The following SKAP1 variants were observed in gnomAD, a reference collection of about 807,000 sequenced individuals.
The protein encoded by SKAP1 is src kinase-associated phosphoprotein 1.
Under a neutral mutation model 58.5 loss-of-function variants are expected in SKAP1, and 44 were observed. The ratio of observed to expected loss-of-function variants is 0.75; its 90% confidence interval spans 0.59 to 0.97. SKAP1 has a LOEUF of 0.97. Among genes scored for constraint, SKAP1 ranks in the 50% least tolerant of loss-of-function variants. SKAP1 has a pLI of 0.00. For missense variants in SKAP1, 390 were observed against 435.2 expected, an observed-to-expected ratio of 0.90 and a Z score of 0.92; for synonymous variants, 127 against 149.7, an observed-to-expected ratio of 0.85 and a Z score of 1.11.
At chr17:48,243,432 A>C (rs577474350) in intron 4 of SKAP1, among the ~76,000 whole-genome samples, 1 of 152,314 alleles carries the variant, frequency 6.6e-6, no homozygotes, top group Admixed American at 6.5e-5. Flanking sequence ...AGCTTTTTGC[A>C]TGTGTAATTT....
intron 9 of SKAP1, among the ~76,000 whole-genome samples, chr17:48,175,421 T>A (rs942364324): frequency 6.6e-6 from 1 of 152,204 alleles, no homozygotes; most frequent in Non-Finnish European, 1.5e-5. Flanking sequence ...TGCACAGATA[T>A]GTTATAAATC....
chr17:48,355,269 T>A (rs2066860915), intron 3 of SKAP1, among the ~76,000 whole-genome samples: 1 of 152,098 alleles, frequency 6.6e-6, no homozygotes, highest in Non-Finnish European at 1.5e-5. Flanking sequence ...TTTAAAATTG[T>A]TATTATTTTT....
At chr17:48,338,318 T>C (rs778477348) in intron 4 of SKAP1, among the ~76,000 whole-genome samples, 7 of 151,888 alleles carry the variant, frequency 4.6e-5, no homozygotes, top group Non-Finnish European at 1.0e-4. Flanking sequence ...CCAAGCTAAT[T>C]TTTTCATATT....
chr17:48,244,295 C>T (rs2065272117), intron 4 of SKAP1, among the ~76,000 whole-genome samples: 12 of 152,158 alleles, frequency 7.9e-5, no homozygotes, highest in Admixed American at 7.9e-4. Context: ...TCCTTCCTTC[C>T]TCCTTTGCCC....
chr17:48,239,220 C>T (rs1047379517), intron 4 of SKAP1, among the ~76,000 whole-genome samples: 3 of 152,170 alleles, frequency 2.0e-5, no homozygotes, highest in Non-Finnish European at 2.9e-5. Flanking sequence ...CGCACCACCA[C>T]CAGCCCAATT....
intron 4 of SKAP1, among the ~76,000 whole-genome samples, chr17:48,250,119 A>AAT (rs1411265692): frequency 6.6e-6 from 1 of 150,596 alleles, no homozygotes; most frequent in African/African-American, 2.4e-5. Flanking sequence ...GCAATTTCAT[A>AAT]ATGTTTTATA....
chr17:48,351,229 C>A (rs1360458524), intron 3 of SKAP1, among the ~76,000 whole-genome samples: 1 of 152,162 alleles, frequency 6.6e-6, no homozygotes, highest in Non-Finnish European at 1.5e-5. Context: ...TCTGTCAACA[C>A]TTCCATTATA....
At chr17:48,227,106 C>T (rs1009659758) in intron 4 of SKAP1, among the ~76,000 whole-genome samples, 1 of 152,116 alleles carries the variant, frequency 6.6e-6, no homozygotes, top group Non-Finnish European at 1.5e-5. Context: ...GGATTCTGGA[C>T]TTTTCACTAC....
At chr17:48,349,294 A>T (rs888147893) in intron 3 of SKAP1, among the ~76,000 whole-genome samples, 1 of 152,224 alleles carries the variant, frequency 6.6e-6, no homozygotes, top group South Asian at 2.1e-4. Flanking sequence ...ACTGTAGTCC[A>T]GTGGGATCAG....
intron 4 of SKAP1, among the ~76,000 whole-genome samples, chr17:48,189,960 G>T (rs553434195): frequency 6.6e-6 from 1 of 152,016 alleles, no homozygotes; most frequent in South Asian, 2.1e-4. Flanking sequence ...TTACAGACGT[G>T]AGCCACCACA....
chr17:48,257,628 C>CTTTTTTTTTTTTTTTTTTTTTGT (rs56225931), intron 4 of SKAP1, among the ~76,000 whole-genome samples: 2 of 111,148 alleles, frequency 1.8e-5, no homozygotes, highest in African/African-American at 3.2e-5. Flanking sequence ...TTCTTTCTTT[C>CTTTTTTTTTTTTTTTTTTTTTGT]TTTTTTTTTT....
chr17:48,364,975 C>A (rs1275110099), intron 2 of SKAP1, among the ~76,000 whole-genome samples: 1 of 152,116 alleles, frequency 6.6e-6, no homozygotes, highest in African/African-American at 2.4e-5. Context: ...CCTTGACCTG[C>A]TGGGCTCAAG....
At chr17:48,254,932 C>T (rs1410457827) in intron 4 of SKAP1, among the ~76,000 whole-genome samples, 1 of 151,886 alleles carries the variant, frequency 6.6e-6, no homozygotes, top group Non-Finnish European at 1.5e-5. Context: ...ATAGCTTGGG[C>T]TTTTGTTTTG....
chr17:48,183,055 G>C (rs927610231), intron 7 of SKAP1, among the ~76,000 whole-genome samples: 8 of 152,178 alleles, frequency 5.3e-5, no homozygotes, highest in African/African-American at 1.9e-4. Context: ...AGATGAAGTT[G>C]GAGAGTTGAG....
At chr17:48,428,033 G>A (rs984179972) in intron 1 of SKAP1, among the ~76,000 whole-genome samples, 1 of 152,134 alleles carries the variant, frequency 6.6e-6, no homozygotes, top group African/African-American at 2.4e-5. Flanking sequence ...CAGCGACTGT[G>A]TTCCAAAAGA....
At chr17:48,182,507 G>T (rs747348593) in intron 7 of SKAP1, 50 bp from the exon 8 acceptor site, 1 of 1,375,192 alleles carries the variant, frequency 7.3e-7, no homozygotes, top group South Asian at 1.2e-5. Context: ...AAATTTCCAT[G>T]AATCTTGACA....
At chr17:48,179,049 A>T (rs1165612963) in intron 9 of SKAP1, among the ~76,000 whole-genome samples, 4 of 152,204 alleles carry the variant, frequency 2.6e-5, no homozygotes, top group Non-Finnish European at 5.9e-5. Flanking sequence ...GGAAGCCTTG[A>T]AATGCAAGTT....
intron 8 of SKAP1, 44 bp from the exon 9 acceptor site, chr17:48,180,292 G>T (rs769183801): frequency 4.5e-5 from 63 of 1,411,692 alleles, no homozygotes; most frequent in Non-Finnish European, 5.8e-5. Flanking sequence ...CAGAGAAAAA[G>T]AAAATAAGAC....
chr17:48,298,695 T>A (rs550263972), intron 4 of SKAP1, among the ~76,000 whole-genome samples: 1 of 152,266 alleles, frequency 6.6e-6, no homozygotes, highest in Admixed American at 6.5e-5. Flanking sequence ...CATGAAAGAG[T>A]TAAACTCCTT....
Sources: allele counts gnomAD v4.1 joint callset (sites outside exome capture counted in the v4.1 genomes callset), GRCh38; gene constraint gnomAD v4.1.1; transcripts MANE v1.5; gene names NCBI Gene and HGNC (gene_info 2026-07-23, HGNC 2026-07-21).